The following UBE2D2 variants were observed in gnomAD, a reference collection of about 807,000 sequenced individuals.
UBE2D2 encodes ubiquitin-conjugating enzyme E2 D2.
Under a neutral mutation model 24.2 loss-of-function variants are expected in UBE2D2, and 2 were observed. The observed-to-expected ratio is 0.08, with a 90% CI of 0.03 to 0.26. The LOEUF is 0.26. UBE2D2 is among the 10% of genes least tolerant of loss of function. The probability of loss-of-function intolerance (pLI) is 1.00; values close to 1 mark genes in which losing one functional copy is unlikely to be tolerated. For synonymous variants in UBE2D2, 58 were observed against 56.5 expected (o/e 1.03, Z -0.12); for missense variants, 44 against 177.6 (o/e 0.25, Z 4.28).
Position 139,626,873 on chromosome 5 carries a change from C to A in UBE2D2, c.*72C>A. On this transcript the variant is annotated 3_prime_UTR_variant, in exon 7 of 7. Transcript: ENST00000398733. ...CTGAAAGAGAAAGTCCTTTTGATTTCCATTTGACTGCTTTCTATGAGCCCA... is the reference window on the plus strand; with the variant it reads ...CTGAAAGAGAAAGTCCTTTTGATTTACATTTGACTGCTTTCTATGAGCCCA... 1 of 1,351,804 alleles carries A rather than the reference C, an allele frequency of 7.4e-7. No homozygotes were observed. The highest frequency in any genetic ancestry group is 1.0e-6 in the Non-Finnish European group (1 of 954,272). 83.7% of individuals were successfully genotyped at this position (1,351,804 alleles called of 1,614,324 possible).
intron 2 of UBE2D2, among the ~76,000 whole-genome samples, chr5:139,602,872 G>A (rs182422009): frequency 3.8e-4 from 58 of 152,250 alleles, no homozygotes; most frequent in Admixed American, 3.2e-3. Flanking sequence ...CCTAGCGTGA[G>A]TAACTATAGT....
At chr5:139,625,209 C>G (rs1164026769) in intron 6 of UBE2D2, among the ~76,000 whole-genome samples, 1 of 151,498 alleles carries the variant, frequency 6.6e-6, no homozygotes, top group Non-Finnish European at 1.5e-5. Context: ...TAGTACATGC[C>G]ACTACACCTT....
intron 2 of UBE2D2, among the ~76,000 whole-genome samples, chr5:139,601,837 G>A (rs376838777): frequency 8.6e-5 from 13 of 150,970 alleles, no homozygotes; most frequent in East Asian, 5.9e-4. Flanking sequence ...TTGAATCCAG[G>A]AGGCAGAGGT....
At chr5:139,549,266 G>A (rs1002266120) in intron 1 of UBE2D2, among the ~76,000 whole-genome samples, 7 of 152,306 alleles carry the variant, frequency 4.6e-5, no homozygotes, top group East Asian at 3.9e-4. Context: ...CCTTCAGCCC[G>A]CCGCTGCACT....
intron 1 of UBE2D2, among the ~76,000 whole-genome samples, chr5:139,580,538 T>A (rs1028394949): frequency 1.3e-5 from 2 of 152,186 alleles, no homozygotes; most frequent in African/African-American, 2.4e-5. Flanking sequence ...CTCGGCTTAC[T>A]GCAACCTCCG....
At chr5:139,619,435 A>C (rs953103317) in intron 5 of UBE2D2, among the ~76,000 whole-genome samples, 4 of 151,804 alleles carry the variant, frequency 2.6e-5, no homozygotes, top group African/African-American at 4.8e-5. Flanking sequence ...GAATATATAT[A>C]GGTAAAAGTT....
At chr5:139,588,998 T>C (rs1753788364) in intron 1 of UBE2D2, among the ~76,000 whole-genome samples, 1 of 152,180 alleles carries the variant, frequency 6.6e-6, no homozygotes, top group Non-Finnish European at 1.5e-5. Context: ...CTCCCTATGT[T>C]GCCCAGGCTG....
At chr5:139,538,400 G>A (rs148038417) in intron 1 of UBE2D2, among the ~76,000 whole-genome samples, 1,586 of 152,136 alleles carry the variant, frequency 0.01, 10 homozygotes, top group Non-Finnish European at 0.01. Flanking sequence ...GCAGATGAAG[G>A]GATAAACACA....
intron 1 of UBE2D2, among the ~76,000 whole-genome samples, chr5:139,598,825 A>G (rs985159757): frequency 2.0e-5 from 3 of 151,226 alleles, no homozygotes; most frequent in Admixed American, 2.0e-4. Context: ...GGCCTCCCAA[A>G]GTGTTGGGAT....
At chr5:139,587,311 G>A (rs1437740657) in intron 1 of UBE2D2, among the ~76,000 whole-genome samples, 2 of 152,154 alleles carry the variant, frequency 1.3e-5, no homozygotes, top group Non-Finnish European at 2.9e-5. Context: ...CATCCGGAGG[G>A]ATGGAAGTCA....
At chr5:139,592,266 CT>C (rs1310274409) in intron 1 of UBE2D2, among the ~76,000 whole-genome samples, 1 of 152,112 alleles carries the variant, frequency 6.6e-6, no homozygotes, top group Non-Finnish European at 1.5e-5. Flanking sequence ...AGTCTCATCT[CT>C]TTTTCCAGTT....
intron 1 of UBE2D2, among the ~76,000 whole-genome samples, chr5:139,527,040 C>T (rs769848954): frequency 1.1e-4 from 17 of 152,006 alleles, no homozygotes; most frequent in South Asian, 4.2e-4. Context: ...CAAAGTAAGC[C>T]CACCCCACTG....
intron 1 of UBE2D2, among the ~76,000 whole-genome samples, chr5:139,591,685 CAT>C (rs1391509859): frequency 6.6e-6 from 1 of 152,076 alleles, no homozygotes; most frequent in East Asian, 1.9e-4. Flanking sequence ...CTTTCAAACT[CAT>C]GTAAGTTAAT....
chr5:139,557,902 A>G (rs954896549), upstream of UBE2D2, among the ~76,000 whole-genome samples: 1 of 152,116 alleles, frequency 6.6e-6, no homozygotes, highest in Non-Finnish European at 1.5e-5. Context: ...GAAGAGTCAT[A>G]TGATTTTTTT....
At chr5:139,563,109 T>C (rs1237228921) in intron 1 of UBE2D2, among the ~76,000 whole-genome samples, 1 of 152,154 alleles carries the variant, frequency 6.6e-6, no homozygotes, top group African/African-American at 2.4e-5. Flanking sequence ...TAGAAGTAGG[T>C]ACTGGGGTTA....
intron 1 of UBE2D2, 91 bp from the exon 2 acceptor site, chr5:139,600,281 G>A: frequency 7.4e-7 from 1 of 1,348,328 alleles, no homozygotes; most frequent in Non-Finnish European, 1.0e-6. Context: ...TCACCAGCAG[G>A]ACAGAGAATA....
chr5:139,581,363 C>T (rs1184822985), intron 1 of UBE2D2, among the ~76,000 whole-genome samples: 4 of 151,838 alleles, frequency 2.6e-5, no homozygotes, highest in African/African-American at 9.7e-5. Context: ...GCAGGATAAT[C>T]GCTTGAACCC....
In UBE2D2 at chr5:139,568,464, C is replaced by G. The variant is rs112993021; in HGVS notation, c.24+6649C>G. Among the ~76,000 whole-genome samples, 18 of 151,832 alleles carry G rather than the reference C, an allele frequency of 1.2e-4. 2 individuals carry two copies. Among genetic ancestry groups the G allele is most frequent in the African/African-American group, 4.1e-4 (17 of 41,394 alleles). ...CACAAGGTCAGGAAATCGAGACCAT[C>G]CTGGCTAACACGGTGAAACCCCATC... On this transcript the variant is annotated intron_variant, in intron 1 of 6. Transcript: ENST00000398733.
At chr5:139,531,733 G>A (rs1752599961) in intron 1 of UBE2D2, among the ~76,000 whole-genome samples, 1 of 152,076 alleles carries the variant, frequency 6.6e-6, no homozygotes, top group Non-Finnish European at 1.5e-5. Context: ...AGGCCGAAGT[G>A]GGAGGATCAC....
Sources: gnomAD v4.1 joint callset for allele counts (sites outside exome capture counted in the v4.1 genomes callset) on GRCh38, gnomAD v4.1.1 for gene constraint, MANE v1.5 for transcripts, NCBI Gene and HGNC (gene_info 2026-07-23, HGNC 2026-07-21) for gene names.